The following ITGB3BP variants were observed in gnomAD, a reference collection of about 807,000 sequenced individuals.
ITGB3BP encodes integrin subunit beta 3 binding protein, also known as centromere protein R.
A neutral mutation model predicts 29.1 loss-of-function variants in ITGB3BP; 27 were observed. The ratio of observed to expected loss-of-function variants is 0.93; its 90% CI spans 0.68 to 1.28. The LOEUF (loss-of-function observed/expected upper bound fraction) is 1.28, where lower values mean the gene tolerates loss of function less well. Among genes scored for constraint, ITGB3BP ranks in the 50% most tolerant of loss-of-function variants. The pLI is 0.00. For synonymous variants in ITGB3BP, 61 were observed against 61.4 expected (o/e 0.99, Z 0.03); for missense variants, 192 against 200.2 (o/e 0.96, Z 0.25).
chr1:63,519,532 T>C (rs902924113), intron 1 of ITGB3BP, among the ~76,000 whole-genome samples: 2 of 152,096 alleles, frequency 1.3e-5, no homozygotes, highest in African/African-American at 4.8e-5. Context: ...CAGGAAAGAA[T>C]TGCATTTAAA....
intron 1 of ITGB3BP, among the ~76,000 whole-genome samples, chr1:63,511,265 C>G (rs528994168): frequency 6.6e-5 from 10 of 152,012 alleles, no homozygotes; most frequent in African/African-American, 2.2e-4. Context: ...TATTAAAAAA[C>G]CAAACAAAAC....
chr1:63,447,610 C>G (rs772252486), intron 7 of ITGB3BP: 4 of 498,238 alleles, frequency 8.0e-6, no homozygotes, highest in Non-Finnish European at 1.6e-5. Context: ...ACATCTGAGG[C>G]TGACCTTAAA....
intron 2 of ITGB3BP, among the ~76,000 whole-genome samples, chr1:63,493,084 A>G (rs1291373168): frequency 2.9e-5 from 4 of 136,142 alleles, no homozygotes; most frequent in Non-Finnish European, 6.4e-5. Context: ...ACACACACAC[A>G]CACACGCGCG....
At chr1:63,495,189 G>A (rs941976244) in intron 2 of ITGB3BP, among the ~76,000 whole-genome samples, 3 of 152,122 alleles carry the variant, frequency 2.0e-5, no homozygotes, top group Non-Finnish European at 4.4e-5. Flanking sequence ...GATATGAAGT[G>A]CATATGAATT....
intron 4 of ITGB3BP, among the ~76,000 whole-genome samples, chr1:63,471,235 C>T (rs1013674811): frequency 2.7e-5 from 4 of 150,708 alleles, no homozygotes; most frequent in African/African-American, 9.8e-5. Context: ...TGGCATTTTG[C>T]CTAATCCAAG....
At chr1:63,525,404 T>C (rs912265319), upstream of ITGB3BP, among the ~76,000 whole-genome samples, 6 of 152,186 alleles carry the variant, frequency 3.9e-5, no homozygotes, top group Non-Finnish European at 8.8e-5. Context: ...GTATTCGTCT[T>C]TTACTTCCAC....
At position 63,488,410 on chromosome 1, in the gene ITGB3BP, G is replaced by A. The variant is rs539054641; in HGVS notation, c.184+1673C>T. 6.6e-5 allele frequency among the ~76,000 whole-genome samples: 10 copies of A among 152,000 alleles called. No individual in the cohort carries two copies. The South Asian group carries it at 2.1e-3, about 32-fold the overall frequency. On this transcript the variant is annotated intron_variant, in intron 3 of 8. Coordinates refer to ENST00000271002, the MANE Select transcript of ITGB3BP (RefSeq NM_014288.5). ...TCTTATCATAAGTGTGATGGGAAGT[G>A]AGTAACACCAAAAATGTCCTTGAAA... is the stretch of plus-strand genomic sequence containing the variant.
intron 1 of ITGB3BP, among the ~76,000 whole-genome samples, chr1:63,511,905 A>T (rs138184320): frequency 0.014 from 2,083 of 152,184 alleles, 45 homozygotes; most frequent in African/African-American, 0.048. Flanking sequence ...ATGTCACTGA[A>T]TTGGACACCT....
intron 1 of ITGB3BP, among the ~76,000 whole-genome samples, chr1:63,521,816 T>C (rs572179742): frequency 6.6e-6 from 1 of 152,276 alleles, no homozygotes; most frequent in South Asian, 2.1e-4. Context: ...TTTTCATAGT[T>C]TTTTGGTTCC....
chr1:63,512,268 C>T (rs1394825401), intron 1 of ITGB3BP, among the ~76,000 whole-genome samples: 4 of 151,938 alleles, frequency 2.6e-5, no homozygotes, highest in Non-Finnish European at 5.9e-5. Flanking sequence ...TAAGACTGAC[C>T]TCTTTTCTAT....
chr1:63,522,804 G>A (rs1454327120), intron 1 of ITGB3BP: 1 of 437,940 alleles, frequency 2.3e-6, no homozygotes, highest in Non-Finnish European at 4.3e-6. Context: ...AACTACGAAG[G>A]CGTGTTTTCA....
At chr1:63,464,260 T>C (rs1645065844) in intron 4 of ITGB3BP, among the ~76,000 whole-genome samples, 1 of 152,222 alleles carries the variant, frequency 6.6e-6, no homozygotes, top group African/African-American at 2.4e-5. Flanking sequence ...TTGAAAACAG[T>C]AATTTGACTA....
chr1:63,466,771 G>C (rs1222579558), intron 4 of ITGB3BP, among the ~76,000 whole-genome samples: 1 of 152,134 alleles, frequency 6.6e-6, no homozygotes, highest in Non-Finnish European at 1.5e-5. Context: ...AGTTTTAACA[G>C]ACAAAAAATA....
chr1:63,461,022 G>A (rs1191750289), intron 4 of ITGB3BP, among the ~76,000 whole-genome samples: 1 of 150,272 alleles, frequency 6.7e-6, no homozygotes, highest in East Asian at 2.0e-4. Flanking sequence ...GGCAGATCAC[G>A]AGGTTAGGAG....
intron 4 of ITGB3BP, among the ~76,000 whole-genome samples, chr1:63,462,262 A>G (rs1645029650): frequency 6.6e-6 from 1 of 151,916 alleles, no homozygotes; most frequent in African/African-American, 2.4e-5. Flanking sequence ...TGCTTCCTTA[A>G]TTTCCTATTC....
intron 2 of ITGB3BP, among the ~76,000 whole-genome samples, chr1:63,503,579 T>C (rs1343294164): frequency 6.6e-6 from 1 of 152,238 alleles, no homozygotes; most frequent in African/African-American, 2.4e-5. Flanking sequence ...AGACATGAAG[T>C]CCTTGCCCAT....
At chr1:63,497,558 G>C (rs977343505) in intron 2 of ITGB3BP, among the ~76,000 whole-genome samples, 10 of 152,212 alleles carry the variant, frequency 6.6e-5, no homozygotes, top group African/African-American at 2.2e-4. Flanking sequence ...TCTCATCCTG[G>C]GGGGGAGACT....
At chr1:63,517,710 A>C (rs557088799) in intron 1 of ITGB3BP, among the ~76,000 whole-genome samples, 1 of 151,956 alleles carries the variant, frequency 6.6e-6, no homozygotes, top group African/African-American at 2.4e-5. Context: ...CATTAATTTT[A>C]CTTTTTCCTT....
chr1:63,510,004 C>G (rs980793986), intron 1 of ITGB3BP: 1 of 465,566 alleles, frequency 2.1e-6, no homozygotes, highest in Non-Finnish European at 3.9e-6. Flanking sequence ...ACCAGCCTAA[C>G]ATGGTGAAAC....
Sources: gnomAD v4.1 joint callset for allele counts (sites outside exome capture counted in the v4.1 genomes callset) on GRCh38, gnomAD v4.1.1 for gene constraint, MANE v1.5 for transcripts, NCBI Gene and HGNC (gene_info 2026-07-23, HGNC 2026-07-21) for gene names.